The following TENM3 variants were observed in gnomAD, a reference collection of about 807,000 sequenced individuals.
The protein encoded by TENM3 is teneurin transmembrane protein 3, also known as teneurin-3.
Under a neutral mutation model 255.1 loss-of-function variants are expected in TENM3, and 63 were observed. That is an observed-to-expected ratio of 0.25 (90% CI 0.20 to 0.30). The LOEUF (loss-of-function observed/expected upper bound fraction) is 0.30, where lower values mean the gene tolerates loss of function less well. Among genes scored for constraint, TENM3 ranks in the 10% least tolerant of loss-of-function variants. The probability of loss-of-function intolerance (pLI) is 1.00; values close to 1 mark genes in which losing one functional copy is unlikely to be tolerated. For synonymous variants in TENM3, 1,306 were observed against 1,322.3 expected (o/e 0.99, Z 0.27); for missense variants, 2,929 against 3,461.1 (o/e 0.85, Z 3.86).
At chr4:182,361,479 A>G (rs1765973461) in intron 3 of TENM3, among the ~76,000 whole-genome samples, 1 of 151,954 alleles carries the variant, frequency 6.6e-6, no homozygotes, top group Admixed American at 6.6e-5. Flanking sequence ...TTCATCTTCT[A>G]TCCCTGATAC....
Position 182,796,669 on chromosome 4 carries a change from C to T in TENM3, c.7246C>T (p.His2416Tyr), listed in dbSNP as rs746586583. 1.2e-6 allele frequency: 2 copies of T among 1,612,036 alleles called. No homozygotes were observed. The highest frequency in any genetic ancestry group is 1.1e-5 in the South Asian group (1 of 90,444). The change falls in exon 27 of 28, where the codon CAT (histidine) becomes TAT (tyrosine). Residue 2416 changes from histidine (H) to tyrosine (Y), a missense_variant. By Grantham distance (83) the His-to-Tyr change is moderately conservative. Coordinates refer to ENST00000511685, the MANE Select transcript of TENM3 (RefSeq NM_001080477.4). ...VNSWLVTFGF[H>Y]LHNAIPGFPV... Reference sequence around the variant, plus strand: ...CAGCTGGCTGGTGACATTTGGTTTCCATCTGCACAATGCTATTCCTGGATT... The same window carrying T: ...CAGCTGGCTGGTGACATTTGGTTTCTATCTGCACAATGCTATTCCTGGATT...
chr4:182,072,085 A>G, the TENM3 span, among the ~76,000 whole-genome samples: 1 of 152,218 alleles, frequency 6.6e-6, no homozygotes, highest in African/African-American at 2.4e-5. Context: ...ACATGGCTTG[A>G]AGCCATTTCT....
chr4:182,791,251 T>C (rs944811492), intron 25 of TENM3, among the ~76,000 whole-genome samples: 5 of 152,216 alleles, frequency 3.3e-5, no homozygotes, highest in African/African-American at 1.2e-4. Flanking sequence ...CTACAGAAGC[T>C]GAAGTCAGGC....
At chr4:181,598,741 A>G in the TENM3 span, among the ~76,000 whole-genome samples, 11 of 152,128 alleles carry the variant, frequency 7.2e-5, no homozygotes, top group Non-Finnish European at 1.5e-4. Flanking sequence ...TTGTAATAAT[A>G]CAGCTATGAA....
intron 1 of TENM3, among the ~76,000 whole-genome samples, chr4:182,145,989 G>T (rs1235747633): frequency 6.6e-6 from 1 of 152,126 alleles, no homozygotes. Flanking sequence ...CCAAAAGATG[G>T]TATTGTAACT....
the TENM3 span, among the ~76,000 whole-genome samples, chr4:181,487,370 C>T: frequency 6.6e-6 from 1 of 152,136 alleles, no homozygotes; most frequent in Non-Finnish European, 1.5e-5. Flanking sequence ...ATACCATAGA[C>T]TGCATGGGTT....
At chr4:182,662,179 A>C (rs1184034416) in intron 6 of TENM3, among the ~76,000 whole-genome samples, 1 of 152,202 alleles carries the variant, frequency 6.6e-6, no homozygotes, top group Non-Finnish European at 1.5e-5. Flanking sequence ...GGTATCACAT[A>C]AGAAGGAGAG....
At chr4:181,527,119 C>T in the TENM3 span, among the ~76,000 whole-genome samples, 1 of 152,134 alleles carries the variant, frequency 6.6e-6, no homozygotes, top group Non-Finnish European at 1.5e-5. Flanking sequence ...GCTGCTAGGT[C>T]CACAATTGCA....
chr4:181,448,117 C>G, the TENM3 span, among the ~76,000 whole-genome samples: 1 of 147,092 alleles, frequency 6.8e-6, no homozygotes, highest in Admixed American at 6.7e-5. Flanking sequence ...TAGCTGTTAT[C>G]AAGTGTCCAG....
At chr4:182,026,570 T>C in the TENM3 span, among the ~76,000 whole-genome samples, 1 of 152,220 alleles carries the variant, frequency 6.6e-6, no homozygotes, top group Non-Finnish European at 1.5e-5. Flanking sequence ...CTCAGTGTTT[T>C]CCTGTAGTAG....
chr4:182,615,712 A>AGGG (rs1378070307), intron 4 of TENM3, among the ~76,000 whole-genome samples: 1 of 152,040 alleles, frequency 6.6e-6, no homozygotes, highest in African/African-American at 2.4e-5. Flanking sequence ...AGTTAAAAAA[A>AGGG]GGGGGATGTT....
In TENM3 at chr4:182,650,493, C is replaced by CT. The variant is rs1753157662; in HGVS notation, c.989-3271dup. Among the ~76,000 whole-genome samples the CT allele has an allele frequency of 2.0e-5, 3 of 150,172 alleles. 1 individual carries two copies. Among genetic ancestry groups the CT allele is most frequent in the Non-Finnish European group, 3.0e-5 (2 of 67,206 alleles). On this transcript the variant is annotated intron_variant, in intron 5 of 27. Transcript: ENST00000511685. ...ATGTATTTTATTTGGCGAATTTTCCCTTTTTTTCTGCCAGATACCCCATTT... is the reference window on the plus strand; with the variant it reads ...ATGTATTTTATTTGGCGAATTTTCCCTTTTTTTTCTGCCAGATACCCCATTT...
At chr4:182,039,634 A>G in the TENM3 span, among the ~76,000 whole-genome samples, 22 of 152,122 alleles carry the variant, frequency 1.4e-4, no homozygotes, top group African/African-American at 5.3e-4. Flanking sequence ...ATGCACATAT[A>G]CATACATACA....
intron 1 of TENM3, among the ~76,000 whole-genome samples, chr4:182,295,690 G>A (rs146595532): frequency 6.6e-5 from 10 of 152,242 alleles, no homozygotes; most frequent in African/African-American, 2.4e-4. Context: ...AATAATATAA[G>A]GGGAAGCAGT....
At chr4:181,812,179 T>C in the TENM3 span, among the ~76,000 whole-genome samples, 50,895 of 151,742 alleles carry the variant, frequency 0.34, 8,766 homozygotes, top group Admixed American at 0.49. Context: ...AGCTGGTGGC[T>C]TTCATTAAGC....
At chr4:182,758,699 G>A (rs1762909932) in intron 22 of TENM3, among the ~76,000 whole-genome samples, 1 of 152,028 alleles carries the variant, frequency 6.6e-6, no homozygotes, top group Non-Finnish European at 1.5e-5. Context: ...ACCTTACAAA[G>A]GGCAGCCTGT....
chr4:182,614,328 T>C (rs992359877), intron 4 of TENM3, among the ~76,000 whole-genome samples: 3 of 152,118 alleles, frequency 2.0e-5, no homozygotes, highest in Non-Finnish European at 4.4e-5. Flanking sequence ...TTAGAAAGAA[T>C]CAATCCATTT....
intron 1 of TENM3, among the ~76,000 whole-genome samples, chr4:182,196,205 T>G (rs1420691974): frequency 6.6e-6 from 1 of 152,146 alleles, no homozygotes; most frequent in African/African-American, 2.4e-5. Flanking sequence ...ACAGCACACC[T>G]GCCTACCATT....
At chr4:181,573,318 C>T in the TENM3 span, among the ~76,000 whole-genome samples, 1 of 152,144 alleles carries the variant, frequency 6.6e-6, no homozygotes, top group Non-Finnish European at 1.5e-5. Context: ...AACCTCCATA[C>T]TATTCTCCAT....
Sources: allele counts gnomAD v4.1 joint callset (sites outside exome capture counted in the v4.1 genomes callset), GRCh38; gene constraint gnomAD v4.1.1; transcripts MANE v1.5; gene names NCBI Gene and HGNC (gene_info 2026-07-23, HGNC 2026-07-21).